Variants in DIRAS1 observed in about 807,000 individuals in gnomAD.
DIRAS1 encodes GTP-binding protein Di-Ras1.
DIRAS1 carries 3 observed loss-of-function variants against 11.5 expected under a neutral mutation model. The ratio of observed to expected loss-of-function variants is 0.26; its 90% CI spans 0.12 to 0.67. The LOEUF (loss-of-function observed/expected upper bound fraction) is 0.67, where lower values mean the gene tolerates loss of function less well. Ranked by LOEUF, DIRAS1 falls within the 30% of genes least tolerant of loss-of-function variation. The pLI is 0.80. For synonymous variants in DIRAS1, 128 were observed against 125.8 expected (o/e 1.02, Z -0.12); for missense variants, 212 against 285.3 (o/e 0.74, Z 1.85).
intron 1 of DIRAS1, among the ~76,000 whole-genome samples, chr19:2,719,673 G>C (rs1436688407): frequency 6.6e-6 from 1 of 151,960 alleles, no homozygotes; most frequent in Non-Finnish European, 1.5e-5. Context: ...ACTGGGGGTG[G>C]GGGTGTGTTT....
intron 1 of DIRAS1, 103 bp from the exon 2 acceptor site, chr19:2,717,978 G>T: frequency 1.4e-6 from 1 of 690,686 alleles, no homozygotes; most frequent in Non-Finnish European, 2.4e-6. Context: ...CAGAGGAGGT[G>T]GCTGCCGTGC....
At position 2,717,286 on chromosome 19, in the gene DIRAS1, C is replaced by T. The variant is rs766301692; in HGVS notation, c.521G>A (p.Ser174Asn). Reference protein sequence around the residue: ...LLTLETRRNMSLNIDGKRSGK... With the variant: ...LLTLETRRNMNLNIDGKRSGK... ...GGAGCGCTTGCCGTCGATGTTGAGGCTCATGTTCCGGCGCGTCTCCAGCGT... is the reference window on the plus strand; with the variant it reads ...GGAGCGCTTGCCGTCGATGTTGAGGTTCATGTTCCGGCGCGTCTCCAGCGT... The change falls in exon 2 of 2, where the codon AGC becomes AAC. Residue 174 changes from serine (S) to asparagine (N), a missense_variant. Transcript: ENST00000323469. 6.2e-7 allele frequency: 1 copy of T among 1,612,414 alleles called. No homozygotes were observed. The highest frequency in any genetic ancestry group is 1.7e-5 in the Admixed American group (1 of 60,014).
intron 1 of DIRAS1, 78 bp from the exon 2 acceptor site, chr19:2,717,953 G>A (rs962988992): frequency 2.8e-5 from 23 of 826,634 alleles, no homozygotes; most frequent in Non-Finnish European, 4.2e-5. Flanking sequence ...GAGGGAGGAG[G>A]ACATGGCGGC....
rs114153863 is a variant in DIRAS1, at chr19:2,720,456, G to A, written c.-70+848C>T. The stretch of plus-strand genomic sequence containing the variant: ...GTGGAGGGAGGGGGTCGTGGGCACC[G>A]AGGCAGGAGCAGGAGGGGCTGGCTC... On this transcript the variant is annotated intron_variant, in intron 1 of 1. Coordinates refer to ENST00000323469, the MANE Select transcript of DIRAS1 (RefSeq NM_145173.4). 4.8e-3 allele frequency among the ~76,000 whole-genome samples: 736 copies of A among 152,350 alleles called. 10 individuals are homozygous for A. The highest frequency in any genetic ancestry group is 0.017 in the African/African-American group (698 of 41,598).
At position 2,717,760 on chromosome 19, in the gene DIRAS1, C is replaced by A. The variant is rs760182526; in HGVS notation, c.47G>T (p.Gly16Val). ...CACCAGCGAGCTCTTGCCCACGCCGCCCGCCCCGAACACCACCACGCGGTA... is the reference window on the plus strand; with the variant it reads ...CACCAGCGAGCTCTTGCCCACGCCGACCGCCCCGAACACCACCACGCGGTA... The part of the protein sequence containing the change: ...NDYRVVVFGA[G>V]GVGKSSLVLR... The change falls in exon 2 of 2, where the codon GGC becomes GTC. Residue 16 changes from glycine (G) to valine (V), a missense_variant. Physicochemically the swap from Gly to Val is moderately radical, Grantham distance 109. Coordinates refer to ENST00000323469, the MANE Select transcript of DIRAS1 (RefSeq NM_145173.4). 6.2e-7 allele frequency: 1 copy of A among 1,602,912 alleles called. No individual in the cohort carries two copies. The highest frequency in any genetic ancestry group is 8.5e-7 in the Non-Finnish European group (1 of 1,179,898).
chr19:2,717,720 C>T lies in DIRAS1; in HGVS notation c.87G>A (p.Lys29=). The T allele has an allele frequency of 6.2e-7, 1 of 1,608,242 alleles. No homozygotes were observed. The highest frequency in any genetic ancestry group is 8.5e-7 in the Non-Finnish European group (1 of 1,179,978). ...GGATGTAGGTGTCGCGGAACGTGCC[C>T]TTCACGAAGCGCAGCACCAGCGAGC... The part of the protein sequence containing the change: ...GKSSLVLRFV[K]GTFRDTYIPT... The change falls in exon 2 of 2, where the codon AAG becomes AAA. Residue 29 remains lysine (K), a synonymous_variant. Transcript: ENST00000323469.
chr19:2,720,935 A>T (rs944822589), intron 1 of DIRAS1, among the ~76,000 whole-genome samples: 8 of 132,602 alleles, frequency 6.0e-5, no homozygotes, highest in Non-Finnish European at 9.8e-5. Context: ...GCGCGGAGGG[A>T]GGGGCTTGGC....
Position 2,716,566 on chromosome 19 carries a change from CTGCAGG to C in DIRAS1, c.*638_*643del, listed in dbSNP as rs1913804545. ...GGATTCGGGGCTGGCAGGGGCACTGCTGCAGGCCCTGTGGTTATTGCCTGGTGGCCT... is the reference window on the plus strand; with the variant it reads ...GGATTCGGGGCTGGCAGGGGCACTGCCCCTGTGGTTATTGCCTGGTGGCCT... On this transcript the variant is annotated 3_prime_UTR_variant, in exon 2 of 2. Transcript: ENST00000323469. 6.6e-6 allele frequency: 1 copy of C among 152,502 alleles called. No individual in the cohort carries two copies. Among genetic ancestry groups the C allele is most frequent in the Non-Finnish European group, 1.5e-5 (1 of 68,284 alleles). 9.4% of individuals were successfully genotyped at this position (152,502 alleles called of 1,614,324 possible).
In DIRAS1 at chr19:2,716,932, T is replaced by C; in HGVS notation, c.*278A>G. 2.4e-6 allele frequency: 1 copy of C among 420,470 alleles called. No homozygotes were observed. Among genetic ancestry groups the C allele is most frequent in the Non-Finnish European group, 4.2e-6 (1 of 236,608 alleles). The allele number at this position is 420,470 out of a possible 1,614,324, so 26.0% of individuals were successfully genotyped here. The stretch of plus-strand genomic sequence containing the variant: ...CTCCTCTTGCCAGCTCCCCATCCTG[T>C]TTTCCCATCTGCAGGACAAGGGGGC... On this transcript the variant is annotated 3_prime_UTR_variant, in exon 2 of 2. Transcript: ENST00000323469.
chr19:2,715,065 A>G lies in DIRAS1; in HGVS notation c.*2145T>C, dbSNP rs1234202644. The G allele has an allele frequency of 6.6e-6, 1 of 152,398 alleles. No individual in the cohort carries two copies. The highest frequency in any genetic ancestry group is 1.9e-4 in the East Asian group (1 of 5,198). The allele number at this position is 152,398 out of a possible 1,614,324, so 9.4% of individuals were successfully genotyped here. On this transcript the variant is annotated 3_prime_UTR_variant, in exon 2 of 2. Coordinates refer to ENST00000323469, the MANE Select transcript of DIRAS1 (RefSeq NM_145173.4). ...GCCAGCTCTTCTGGGAGCCCGGTCC[A>G]CGTGCTGGATAGCAACACACACGCA...
In DIRAS1 at chr19:2,714,774, C is replaced by G. The variant is rs973510092; in HGVS notation, c.*2436G>C. On this transcript the variant is annotated 3_prime_UTR_variant, in exon 2 of 2. Coordinates refer to ENST00000323469, the MANE Select transcript of DIRAS1 (RefSeq NM_145173.4). Reference sequence around the variant, plus strand: ...GCCAGCAGCCAGGACAGGCTCGGGTCCCCTCCTATTGCAGATGCCCTCTCT... The same window carrying G: ...GCCAGCAGCCAGGACAGGCTCGGGTGCCCTCCTATTGCAGATGCCCTCTCT... The G allele has an allele frequency of 6.5e-6, 1 of 152,708 alleles. No individual in the cohort carries two copies. The highest frequency in any genetic ancestry group is 2.4e-5 in the African/African-American group (1 of 41,442). The allele number at this position is 152,708 out of a possible 1,614,324, so 9.5% of individuals were successfully genotyped here. A position where few individuals can be genotyped will look rare whatever the true frequency, so the allele number is the denominator to read the frequency against.
chr19:2,719,382 T>C (rs1020996974), intron 1 of DIRAS1, among the ~76,000 whole-genome samples: 1 of 151,960 alleles, frequency 6.6e-6, no homozygotes, highest in Admixed American at 6.6e-5. Context: ...ATCCTTAGAA[T>C]AGCACTTCCT....
intron 1 of DIRAS1, among the ~76,000 whole-genome samples, chr19:2,720,035 T>C (rs1219882882): frequency 1.3e-5 from 2 of 152,062 alleles, no homozygotes; most frequent in African/African-American, 4.8e-5. Context: ...CAGGCAAACT[T>C]CTGGGCGCCT....
In DIRAS1 at chr19:2,717,707, C is replaced by T. The variant is rs1307103793; in HGVS notation, c.100G>A (p.Asp34Asn). ...TCCTCGATGGTGGGGATGTAGGTGT[C>T]GCGGAACGTGCCCTTCACGAAGCGC... ...VLRFVKGTFRDTYIPTIEDTY... is the reference protein window; with the variant it reads ...VLRFVKGTFRNTYIPTIEDTY... Residue 34 changes from aspartate (D) to asparagine (N), a missense_variant, in exon 2 of 2, where the codon GAC (aspartate) becomes AAC (asparagine). Asp to Asn is a conservative substitution (Grantham distance 23, BLOSUM62 1). Coordinates refer to ENST00000323469, the MANE Select transcript of DIRAS1 (RefSeq NM_145173.4). 3.1e-6 allele frequency: 5 copies of T among 1,610,130 alleles called. No individual in the cohort carries two copies. Among genetic ancestry groups the T allele is most frequent in the South Asian group, 2.2e-5 (2 of 91,090 alleles).
rs373053530 is a variant in DIRAS1, at chr19:2,717,403, G to A, written c.404C>T (p.Ala135Val). 1.2e-6 allele frequency: 2 copies of A among 1,607,456 alleles called. No homozygotes were observed. Among genetic ancestry groups the A allele is most frequent in the Admixed American group, 1.7e-5 (1 of 60,004 alleles). Residue 135 changes from alanine to valine, a missense_variant, in exon 2 of 2, where the codon GCG becomes GTG. By Grantham distance (64) the Ala-to-Val change is moderately conservative. Transcript: ENST00000323469. Reference sequence around the variant, plus strand: ...CTTCCACTCCTGGGCCACCGCCTGCGCCTCGCGCGTGTCCACCTCCCGCTG... The same window carrying A: ...CTTCCACTCCTGGGCCACCGCCTGCACCTCGCGCGTGTCCACCTCCCGCTG... ...ETQREVDTRE[A>V]QAVAQEWKCA...
Position 2,717,807 on chromosome 19 carries a change from C to G in DIRAS1, c.-1G>C, listed in dbSNP as rs1467254616. 2.5e-6 allele frequency: 4 copies of G among 1,588,186 alleles called. No individual in the cohort carries two copies. The highest frequency in any genetic ancestry group is 2.6e-6 in the Non-Finnish European group (3 of 1,171,128). Reference sequence around the variant, plus strand: ...GGTAATCGTTACTCTGTTCCGGCATCTTCCCCGCGGCGGGTGGGCGGCCGG... The same window carrying G: ...GGTAATCGTTACTCTGTTCCGGCATGTTCCCCGCGGCGGGTGGGCGGCCGG... On this transcript the variant is annotated 5_prime_UTR_variant, in exon 2 of 2. Transcript: ENST00000323469.
In DIRAS1 at chr19:2,717,404, C is replaced by T. The variant is rs1913846318; in HGVS notation, c.403G>A (p.Ala135Thr). 6.2e-7 allele frequency: 1 copy of T among 1,607,694 alleles called. No individual in the cohort carries two copies. The highest frequency in any genetic ancestry group is 8.5e-7 in the Non-Finnish European group (1 of 1,179,998). Residue 135 changes from alanine to threonine, a missense_variant, in exon 2 of 2, where the codon GCG (alanine) becomes ACG (threonine). Ala to Thr is a moderately conservative substitution (Grantham distance 58, BLOSUM62 0). Transcript: ENST00000323469. ...TTCCACTCCTGGGCCACCGCCTGCG[C>T]CTCGCGCGTGTCCACCTCCCGCTGC... ...ETQREVDTRE[A>T]QAVAQEWKCA...
At chr19:2,717,932 C>G in intron 1 of DIRAS1, 57 bp from the exon 2 acceptor site, 1 of 1,008,390 alleles carries the variant, frequency 9.9e-7, no homozygotes, top group Non-Finnish European at 1.4e-6. Context: ...GGGACAGCCC[C>G]ACGCCCCGGG....
At position 2,717,068 on chromosome 19, in the gene DIRAS1, G is replaced by GT; in HGVS notation, c.*141_*142insA. The stretch of plus-strand genomic sequence containing the variant: ...CTCGGGGTGGGCAGGGGCAGCGGAG[G>GT]GGGGGGCGGTGGCCTCGGTTTCCCC... On this transcript the variant is annotated 3_prime_UTR_variant, in exon 2 of 2. Transcript: ENST00000323469. 1.2e-6 allele frequency: 1 copy of GT among 822,424 alleles called. No homozygotes were observed. The highest frequency in any genetic ancestry group is 1.8e-6 in the Non-Finnish European group (1 of 549,280). The allele number at this position is 822,424 out of a possible 1,614,324, so 50.9% of individuals were successfully genotyped here.
Sources: allele counts gnomAD v4.1 joint callset (sites outside exome capture counted in the v4.1 genomes callset), GRCh38; gene constraint gnomAD v4.1.1; transcripts MANE v1.5; gene names NCBI Gene and HGNC (gene_info 2026-07-23, HGNC 2026-07-21).